Variants in CLYBL observed in about 807,000 individuals in gnomAD.
CLYBL encodes citramalyl-CoA lyase, mitochondrial.
CLYBL carries 31 observed loss-of-function variants against 38.9 expected under a neutral mutation model. The ratio of observed to expected loss-of-function variants is 0.80; its 90% CI spans 0.60 to 1.08. The LOEUF (loss-of-function observed/expected upper bound fraction) is 1.08, where lower values mean the gene tolerates loss of function less well. Ranked by LOEUF, CLYBL falls within the 50% of genes least tolerant of loss-of-function variation. CLYBL has a pLI of 0.00. For missense variants in CLYBL, 434 were observed against 411.6 expected (o/e 1.05, Z -0.47); for synonymous variants, 171 against 158.6 (o/e 1.08, Z -0.59).
Position 99,687,084 on chromosome 13 carries a change from T to A in CLYBL, c.62+80327T>A, listed in dbSNP as rs372206888. Among the ~76,000 whole-genome samples, 41 of 152,280 alleles carry A rather than the reference T, an allele frequency of 2.7e-4. 2 individuals carry two copies. The South Asian group carries it at 6.8e-3, about 25-fold the overall frequency. The stretch of plus-strand genomic sequence containing the variant: ...AGATTAGGGCCCGCTGCAGCTGTCT[T>A]CATTTGCAAGACTAAGGTGTAGCTC... On this transcript the variant is annotated intron_variant, in intron 1 of 8. Transcript: ENST00000339105.
chr13:99,633,246 G>GA (rs2046973728), intron 1 of CLYBL, among the ~76,000 whole-genome samples: 2 of 137,948 alleles, frequency 1.4e-5, no homozygotes, highest in Admixed American at 1.5e-4. Flanking sequence ...GAGAAGAGAA[G>GA]AAAAGAAATA....
At chr13:99,842,797 C>A (rs2051114498) in intron 2 of CLYBL, among the ~76,000 whole-genome samples, 2 of 152,034 alleles carry the variant, frequency 1.3e-5, no homozygotes, top group Admixed American at 1.3e-4. Context: ...GTCCCAGCTA[C>A]TCTGGAGGCT....
intron 1 of CLYBL, among the ~76,000 whole-genome samples, chr13:99,750,490 A>G (rs2048934699): frequency 1.3e-5 from 2 of 152,132 alleles, no homozygotes; most frequent in South Asian, 4.1e-4. Context: ...CCTGGCCAAC[A>G]TGGTGAAACC....
At chr13:99,676,190 T>TCCGTCCG (rs1566606807) in intron 1 of CLYBL, among the ~76,000 whole-genome samples, 23 of 20,508 alleles carry the variant, frequency 1.1e-3, no homozygotes, top group African/African-American at 1.9e-3. Context: ...CCGTCCGTCC[T>TCCGTCCG]TCCTTCCTTC....
At position 99,825,250 on chromosome 13, in the gene CLYBL, G is replaced by A. The variant is rs138157330; in HGVS notation, c.250-33611G>A. Among the ~76,000 whole-genome samples, 381 of 152,268 alleles carry A rather than the reference G, an allele frequency of 2.5e-3. 2 individuals are homozygous for A. The highest frequency in any genetic ancestry group is 3.4e-3 in the Non-Finnish European group (229 of 68,016). On this transcript the variant is annotated intron_variant, in intron 2 of 8. Transcript: ENST00000339105. ...GGTGGAAGATCCTTGCTTGGCCCTC[G>A]GATGGCTGTACGACGTCAGGACAGG... is the stretch of plus-strand genomic sequence containing the variant.
At chr13:99,765,265 T>C (rs2049246898) in intron 1 of CLYBL, among the ~76,000 whole-genome samples, 1 of 152,174 alleles carries the variant, frequency 6.6e-6, no homozygotes, top group Admixed American at 6.5e-5. Flanking sequence ...CTGTATGGTG[T>C]CCATTGAGAA....
exon 10 of CLYBL, among the ~76,000 whole-genome samples, chr13:99,908,547 G>A (rs973767658): frequency 2.6e-5 from 4 of 152,178 alleles, no homozygotes; most frequent in African/African-American, 7.2e-5. Context: ...TATTAGATCT[G>A]ACCAATATGG....
intron 1 of CLYBL, among the ~76,000 whole-genome samples, chr13:99,698,446 A>G (rs1000748196): frequency 6.6e-6 from 1 of 152,122 alleles, no homozygotes; most frequent in African/African-American, 2.4e-5. Flanking sequence ...ATTACGTTCA[A>G]GCTATAAGTA....
intron 2 of CLYBL, among the ~76,000 whole-genome samples, chr13:99,830,330 C>G (rs1594208625): frequency 6.6e-6 from 1 of 152,194 alleles, no homozygotes; most frequent in South Asian, 2.1e-4. Flanking sequence ...TAGATCAGTG[C>G]CCTCCTGGTA....
At chr13:99,770,173 C>T (rs569468081) in intron 1 of CLYBL, among the ~76,000 whole-genome samples, 1 of 151,034 alleles carries the variant, frequency 6.6e-6, no homozygotes, top group Non-Finnish European at 1.5e-5. Flanking sequence ...CTGCAACCTC[C>T]ACCTCCCGGG....
At chr13:99,679,852 A>T (rs2047709078) in intron 1 of CLYBL, among the ~76,000 whole-genome samples, 1 of 152,100 alleles carries the variant, frequency 6.6e-6, no homozygotes, top group Non-Finnish European at 1.5e-5. Context: ...ACGTTATTAA[A>T]CGTCATTCAA....
chr13:99,649,186 C>G (rs2047216878), intron 1 of CLYBL, among the ~76,000 whole-genome samples: 1 of 152,016 alleles, frequency 6.6e-6, no homozygotes, highest in South Asian at 2.1e-4. Context: ...ACAGTCTGTC[C>G]CTTTTCTGGG....
chr13:99,689,158 C>T (rs1324311586), intron 1 of CLYBL, among the ~76,000 whole-genome samples: 1 of 152,196 alleles, frequency 6.6e-6, no homozygotes, highest in African/African-American at 2.4e-5. Context: ...TCTTCCTCCA[C>T]TCAAAAATCT....
At chr13:99,676,261 T>A (rs568033673) in intron 1 of CLYBL, among the ~76,000 whole-genome samples, 2 of 145,036 alleles carry the variant, frequency 1.4e-5, no homozygotes, top group East Asian at 4.0e-4. Flanking sequence ...TTTTTCTTTT[T>A]CTATTTCTCT....
intron 1 of CLYBL, among the ~76,000 whole-genome samples, chr13:99,608,484 CT>C (rs1316046026): frequency 6.6e-6 from 1 of 152,222 alleles, no homozygotes; most frequent in Non-Finnish European, 1.5e-5. Context: ...TCCGCTGCCC[CT>C]GGCACAGGGG....
intron 1 of CLYBL, among the ~76,000 whole-genome samples, chr13:99,756,843 G>A (rs948184256): frequency 1.3e-5 from 2 of 152,168 alleles, no homozygotes; most frequent in Non-Finnish European, 2.9e-5. Context: ...ATCTTCAAAT[G>A]GACATGCGCT....
At chr13:99,834,986 T>G (rs7322521) in intron 2 of CLYBL, among the ~76,000 whole-genome samples, 60 of 152,306 alleles carry the variant, frequency 3.9e-4, no homozygotes, top group African/African-American at 1.4e-3. Flanking sequence ...CCTCTATTGT[T>G]GGAACACACC....
intron 2 of CLYBL, among the ~76,000 whole-genome samples, chr13:99,827,245 G>C (rs757116743): frequency 1.2e-4 from 19 of 152,072 alleles, no homozygotes; most frequent in Admixed American, 2.0e-4. Context: ...ACTGTGTTCC[G>C]TATACACATA....
At chr13:99,783,479 C>T (rs193285349) in intron 2 of CLYBL, among the ~76,000 whole-genome samples, 144 of 149,252 alleles carry the variant, frequency 9.6e-4, no homozygotes, top group Middle Eastern at 3.4e-3. Flanking sequence ...TTTTTTGAGA[C>T]GGAGTGTTGC....
Sources: gnomAD v4.1 joint callset for allele counts (sites outside exome capture counted in the v4.1 genomes callset) on GRCh38, gnomAD v4.1.1 for gene constraint, MANE v1.5 for transcripts, NCBI Gene and HGNC (gene_info 2026-07-23, HGNC 2026-07-21) for gene names.